Variants in EVC2 observed in about 807,000 individuals in gnomAD.
EVC2 encodes limbin.
EVC2 carries 148 observed loss-of-function variants against 149.3 expected under a neutral mutation model. The observed-to-expected ratio is 0.99, with a 90% CI of 0.87 to 1.14. The LOEUF (loss-of-function observed/expected upper bound fraction) is 1.14, where lower values mean the gene tolerates loss of function less well. Ranked by LOEUF, EVC2 falls within the 50% of genes most tolerant of loss-of-function variation. EVC2 has a pLI of 0.00. For missense variants in EVC2, 1,854 were observed against 1,627.3 expected, an observed-to-expected ratio of 1.14 and a Z score of -2.40; for synonymous variants, 776 against 649.9, an observed-to-expected ratio of 1.19 and a Z score of -2.95.
rs1285169459 is a variant in EVC2 at position 5,615,508 on chromosome 4, T to C, written c.2743A>G (p.Lys915Glu). 6 of 1,614,136 alleles carry C rather than the reference T, an allele frequency of 3.7e-6. No individual in the cohort carries two copies. Among genetic ancestry groups the C allele is most frequent in the Non-Finnish European group, 5.1e-6 (6 of 1,180,058 alleles). Residue 915 changes from lysine to glutamate, a missense_variant, in exon 16 of 22, where the codon AAA becomes GAA. Coordinates refer to ENST00000344408, the MANE Select transcript of EVC2 (RefSeq NM_147127.5). Reference sequence around the variant, plus strand: ...TTCTTCAGAAGCTCTCCCTTGCTTTTACTCTTGGACCGTGACTTTCTCACC... The same window carrying C: ...TTCTTCAGAAGCTCTCCCTTGCTTTCACTCTTGGACCGTGACTTTCTCACC... ...SKVRKSRSKS[K>E]SKGELLKKCI... is the part of the protein sequence containing the mutation.
intron 19 of EVC2, among the ~76,000 whole-genome samples, chr4:5,572,631 T>C (rs1414788877): frequency 1.3e-5 from 2 of 152,172 alleles, no homozygotes; most frequent in Non-Finnish European, 2.9e-5. Flanking sequence ...TGATAAAGAA[T>C]TTCTATTCTT....
In EVC2 at chr4:5,665,563, G is replaced by T; in HGVS notation, c.957C>A (p.Leu319=). The part of the protein sequence containing the change: ...SLVLTWAALF[L]MVRYQCLKGN... ...CCTTCAGACACTGATAGCGAACCAT[G>T]AGGAAGAGGGCAGCCCAGGTCAGCA... Residue 319 remains leucine (L), a synonymous_variant, in exon 8 of 22, where the codon CTC becomes CTA. Coordinates refer to ENST00000344408, the MANE Select transcript of EVC2 (RefSeq NM_147127.5). The T allele has an allele frequency of 6.2e-7, 1 of 1,614,204 alleles. No homozygotes were observed. Among genetic ancestry groups the T allele is most frequent in the South Asian group, 1.1e-5 (1 of 91,074 alleles).
intron 17 of EVC2, among the ~76,000 whole-genome samples, chr4:5,580,328 A>G (rs917542482): frequency 2.0e-5 from 3 of 152,246 alleles, no homozygotes; most frequent in African/African-American, 7.2e-5. Context: ...AGAATACGGC[A>G]TCATCTGATT....
intron 16 of EVC2, among the ~76,000 whole-genome samples, chr4:5,605,227 A>G (rs1001714854): frequency 6.6e-6 from 1 of 152,228 alleles, no homozygotes; most frequent in Non-Finnish European, 1.5e-5. Flanking sequence ...AGTTCTACTC[A>G]TGCACATCAC....
upstream of EVC2, chr4:5,708,719 C>G (rs371524588): frequency 1.7e-4 from 78 of 452,520 alleles, no homozygotes; most frequent in East Asian, 1.9e-3. Context: ...GCGGCCCAGG[C>G]GCCCGGCGGC....
chr4:5,581,879 C>T (rs539731484), intron 17 of EVC2, among the ~76,000 whole-genome samples: 1 of 152,354 alleles, frequency 6.6e-6, no homozygotes, highest in South Asian at 2.1e-4. Flanking sequence ...GCTCAAAGGA[C>T]CCCAGGTGCA....
At chr4:5,573,999 G>C (rs1722776418) in intron 19 of EVC2, among the ~76,000 whole-genome samples, 1 of 152,232 alleles carries the variant, frequency 6.6e-6, no homozygotes, top group African/African-American at 2.4e-5. Flanking sequence ...AGCTGGAACT[G>C]TGAGAAGGAA....
chr4:5,568,023 G>A (rs765573817), intron 20 of EVC2, among the ~76,000 whole-genome samples: 5 of 151,996 alleles, frequency 3.3e-5, no homozygotes, highest in South Asian at 2.1e-4. Flanking sequence ...CTCCACACTC[G>A]ACACACAAAT....
At chr4:5,539,877 T>C (rs1161394656), downstream of EVC2, among the ~76,000 whole-genome samples, 2 of 152,090 alleles carry the variant, frequency 1.3e-5, no homozygotes, top group Non-Finnish European at 2.9e-5. Context: ...AGTTGACAAA[T>C]TGGACTTTAT....
chr4:5,537,995 T>C (rs1721451047), downstream of EVC2, among the ~76,000 whole-genome samples: 1 of 147,936 alleles, frequency 6.8e-6, no homozygotes, highest in Non-Finnish European at 1.5e-5. Context: ...AATGAAGCTA[T>C]AAGCTGATTC....
At chr4:5,663,320 G>T in intron 8 of EVC2, 74 bp from the exon 9 acceptor site, 1 of 1,602,232 alleles carries the variant, frequency 6.2e-7, no homozygotes, top group Non-Finnish European at 8.5e-7. Flanking sequence ...AGCCAGGAGG[G>T]AAGGCCAGGG....
intron 16 of EVC2, among the ~76,000 whole-genome samples, chr4:5,608,785 G>A (rs764319480): frequency 5.9e-5 from 9 of 152,064 alleles, no homozygotes; most frequent in South Asian, 2.1e-4. Context: ...CACCCGCCTC[G>A]GCATCCCAAA....
intron 4 of EVC2, 100 bp from the exon 5 acceptor site, chr4:5,689,443 G>A (rs1446081281): frequency 2.5e-6 from 3 of 1,192,110 alleles, no homozygotes; most frequent in African/African-American, 3.0e-5. Context: ...CATCCAGGAA[G>A]AAGGAGGGTA....
Position 5,562,899 on chromosome 4 carries a change from C to T in EVC2, c.3876G>A (p.Lys1292=). ...CCTTTTTGGCATTCAAAAAGTTCTTCTTTTTCCTGGGAGGAACGTGCAGTG... is the reference window on the plus strand; with the variant it reads ...CCTTTTTGGCATTCAAAAAGTTCTTTTTTTTCCTGGGAGGAACGTGCAGTG... The part of the protein sequence containing the change: ...EISLHVPPRK[K]KNFLNAKKAM... The change falls in exon 22 of 22, where the codon AAG becomes AAA. Residue 1292 remains lysine, a synonymous_variant. Coordinates refer to ENST00000344408, the MANE Select transcript of EVC2 (RefSeq NM_147127.5). The surrounding 1 kb of genome is among the most constrained non-coding windows in gnomAD (Gnocchi z 4.3). 2 of 1,614,136 alleles carry T rather than the reference C, an allele frequency of 1.2e-6. No individual in the cohort carries two copies. The highest frequency in any genetic ancestry group is 1.7e-6 in the Non-Finnish European group (2 of 1,180,040).
At chr4:5,669,172 C>T (rs1396985818) in intron 7 of EVC2, among the ~76,000 whole-genome samples, 1 of 152,188 alleles carries the variant, frequency 6.6e-6, no homozygotes, top group African/African-American at 2.4e-5. Flanking sequence ...CCTGCCTACA[C>T]CTTAATTTCA....
At chr4:5,587,411 G>T (rs958293729) in intron 16 of EVC2, among the ~76,000 whole-genome samples, 1 of 152,200 alleles carries the variant, frequency 6.6e-6, no homozygotes, top group Non-Finnish European at 1.5e-5. Flanking sequence ...TGTTTTCAAA[G>T]TTCATCTACT....
intron 20 of EVC2, 113 bp from the exon 21 acceptor site, chr4:5,565,472 A>C (rs1321441716): frequency 1.1e-6 from 1 of 909,466 alleles, no homozygotes; most frequent in East Asian, 2.8e-5. Context: ...GGAGTTCAAG[A>C]CCAGCCTGGC....
At chr4:5,662,663 A>C (rs1419494812) in intron 9 of EVC2, among the ~76,000 whole-genome samples, 1 of 146,180 alleles carries the variant, frequency 6.8e-6, no homozygotes, top group African/African-American at 2.5e-5. Flanking sequence ...ATTTATATTG[A>C]TATTAAATAT....
intron 9 of EVC2, 83 bp downstream of exon 9, chr4:5,663,022 AAT>A: frequency 6.5e-7 from 1 of 1,544,508 alleles, no homozygotes; most frequent in Non-Finnish European, 8.9e-7. Flanking sequence ...GAATGAATGA[AAT>A]ATACTCAGCA....
Sources: gnomAD v4.1 joint callset for allele counts (sites outside exome capture counted in the v4.1 genomes callset) on GRCh38, gnomAD v4.1.1 for gene constraint, Gnocchi (gnomAD v3.1) non-coding constraint, MANE v1.5 for transcripts, NCBI Gene and HGNC (gene_info 2026-07-23, HGNC 2026-07-21) for gene names.